IQCK: variants seen among roughly 807,000 people sequenced by gnomAD.
IQCK encodes IQ motif containing K.
IQCK carries 29 observed loss-of-function variants against 28.1 expected under a neutral mutation model. The ratio of observed to expected loss-of-function variants is 1.03; its 90% confidence interval spans 0.77 to 1.41. The LOEUF is 1.41. Ranked by LOEUF, IQCK falls within the 40% of genes most tolerant of loss-of-function variation. IQCK has a pLI of 0.00. For synonymous variants in IQCK, 113 were observed against 115.1 expected (o/e 0.98, Z 0.12); for missense variants, 359 against 314.7 (o/e 1.14, Z -1.07).
chr16:19,852,946 C>T (rs2056504774), intron 9 of IQCK, among the ~76,000 whole-genome samples: 1 of 152,082 alleles, frequency 6.6e-6, no homozygotes, highest in Admixed American at 6.6e-5. Context: ...TGAGCTAATC[C>T]AAGTTGATGC....
chr16:19,850,829 A>G (rs1438092888), intron 9 of IQCK, among the ~76,000 whole-genome samples: 1 of 152,116 alleles, frequency 6.6e-6, no homozygotes, highest in Non-Finnish European at 1.5e-5. Context: ...AGGCTGGGCA[A>G]CATAGCAAGA....
chr16:19,744,819 CTG>C (rs1365282145), intron 4 of IQCK, among the ~76,000 whole-genome samples: 3 of 152,158 alleles, frequency 2.0e-5, no homozygotes, highest in Non-Finnish European at 4.4e-5. Context: ...CAAATATACT[CTG>C]TGAAAGGTAA....
chr16:19,813,563 A>G (rs1888126785), intron 7 of IQCK, among the ~76,000 whole-genome samples: 1 of 152,232 alleles, frequency 6.6e-6, no homozygotes, highest in Non-Finnish European at 1.5e-5. Context: ...TGTGCCTACT[A>G]AATTACCATT....
At chr16:19,831,325 A>C (rs979291644), downstream of IQCK, among the ~76,000 whole-genome samples, 15 of 152,236 alleles carry the variant, frequency 9.9e-5, no homozygotes, top group African/African-American at 3.6e-4. Context: ...CATGGACTGA[A>C]GCCTCCAGCT....
At chr16:19,732,408 T>G (rs1977869794) in intron 2 of IQCK, among the ~76,000 whole-genome samples, 3 of 152,202 alleles carry the variant, frequency 2.0e-5, no homozygotes, top group African/African-American at 7.2e-5. Context: ...ACTGGCCGAC[T>G]TTTCTTCAGG....
At chr16:19,721,130 T>TCC (rs1227700545) in intron 1 of IQCK, among the ~76,000 whole-genome samples, 6 of 152,304 alleles carry the variant, frequency 3.9e-5, no homozygotes, top group African/African-American at 1.4e-4. Flanking sequence ...AAATGCAGTT[T>TCC]TCTATAACAT....
chr16:19,748,568 A>G (rs2054944496), intron 4 of IQCK, among the ~76,000 whole-genome samples: 1 of 152,170 alleles, frequency 6.6e-6, no homozygotes, highest in African/African-American at 2.4e-5. Flanking sequence ...TACACATTAA[A>G]TGTTGTTAAT....
chr16:19,835,865 G>A (rs13334958), intron 9 of IQCK, among the ~76,000 whole-genome samples: 2,690 of 152,274 alleles, frequency 0.018, 63 homozygotes, highest in African/African-American at 0.061. Context: ...AATTACAGGC[G>A]TGAGCCATCA....
chr16:19,850,428 T>C (rs2056468407), intron 9 of IQCK, among the ~76,000 whole-genome samples: 1 of 152,224 alleles, frequency 6.6e-6, no homozygotes, highest in Non-Finnish European at 1.5e-5. Context: ...TAGAAGTGTT[T>C]GCTTTTATTA....
At chr16:19,822,221 A>G (rs1208998262) in intron 7 of IQCK, among the ~76,000 whole-genome samples, 1 of 151,260 alleles carries the variant, frequency 6.6e-6, no homozygotes, top group African/African-American at 2.4e-5. Context: ...CCCCATCTCT[A>G]CTAAAAATAC....
intron 4 of IQCK, among the ~76,000 whole-genome samples, chr16:19,754,158 A>C (rs937745809): frequency 2.0e-5 from 3 of 152,222 alleles, no homozygotes; most frequent in Admixed American, 6.5e-5. Context: ...CTTACTACCC[A>C]GGTCAGGAGC....
intron 2 of IQCK, among the ~76,000 whole-genome samples, chr16:19,733,215 G>A (rs1977897828): frequency 6.6e-6 from 1 of 151,810 alleles, no homozygotes; most frequent in Non-Finnish European, 1.5e-5. Context: ...TCAGCTCACT[G>A]TAGCCGCCAC....
chr16:19,761,552 C>T (rs2055143467), intron 4 of IQCK: 1 of 255,336 alleles, frequency 3.9e-6, no homozygotes, highest in Non-Finnish European at 8.1e-6. Context: ...TGATTCTTAG[C>T]TCCTGCTATT....
intron 6 of IQCK, among the ~76,000 whole-genome samples, chr16:19,785,405 G>A (rs913082873): frequency 6.6e-6 from 1 of 152,160 alleles, no homozygotes; most frequent in African/African-American, 2.4e-5. Context: ...GTGCCAGTGA[G>A]GCAGGAGAAT....
intron 9 of IQCK, among the ~76,000 whole-genome samples, chr16:19,842,866 T>C (rs1417569191): frequency 6.6e-6 from 1 of 152,184 alleles, no homozygotes; most frequent in African/African-American, 2.4e-5. Context: ...AGGAAAACAG[T>C]TGTTTTCCTT....
chr16:19,757,323 G>A (rs1339526577), intron 4 of IQCK, among the ~76,000 whole-genome samples: 2 of 152,114 alleles, frequency 1.3e-5, no homozygotes, highest in Admixed American at 1.3e-4. Context: ...TCTCTTCTAC[G>A]TGCATCCAGT....
At chr16:19,832,810 C>T (rs1325845480) in intron 9 of IQCK, among the ~76,000 whole-genome samples, 1 of 152,026 alleles carries the variant, frequency 6.6e-6, no homozygotes. Context: ...AAGCAAGGCA[C>T]GTCTTATATG....
chr16:19,748,194 C>A (rs1421642912), intron 4 of IQCK, among the ~76,000 whole-genome samples: 2 of 151,386 alleles, frequency 1.3e-5, no homozygotes, highest in Non-Finnish European at 2.9e-5. Flanking sequence ...GGTGCCTCAG[C>A]CTCCCGAATA....
chr16:19,729,268 T>A (rs1457014004), intron 1 of IQCK, among the ~76,000 whole-genome samples: 1 of 151,994 alleles, frequency 6.6e-6, no homozygotes, highest in African/African-American at 2.4e-5. Context: ...GCGCCATGCC[T>A]GGCTAATTTT....
Sources: allele counts gnomAD v4.1 joint callset (sites outside exome capture counted in the v4.1 genomes callset), GRCh38; gene constraint gnomAD v4.1.1; transcripts MANE v1.5; gene names NCBI Gene and HGNC (gene_info 2026-07-23, HGNC 2026-07-21).